IRAG1: variants seen among roughly 807,000 people sequenced by gnomAD.
The protein encoded by IRAG1 is inositol 1,4,5-triphosphate receptor associated 1.
IRAG1 carries 62 observed loss-of-function variants against 106.2 expected under a neutral mutation model. The observed-to-expected ratio is 0.58, with a 90% CI of 0.48 to 0.72. The LOEUF (loss-of-function observed/expected upper bound fraction) is 0.72, where lower values mean the gene tolerates loss of function less well. IRAG1 is among the 30% of genes least tolerant of loss of function. The pLI, the probability that IRAG1 is intolerant of heterozygous loss-of-function variation, is 0.00. For missense variants in IRAG1, 1,064 were observed against 1,140.7 expected (o/e 0.93, Z 0.97); for synonymous variants, 462 against 443.9 (o/e 1.04, Z -0.51).
intron 15 of IRAG1, among the ~76,000 whole-genome samples, chr11:10,598,926 A>T (rs768734442): frequency 1.3e-5 from 2 of 152,220 alleles, no homozygotes; most frequent in Non-Finnish European, 2.9e-5. Context: ...AAGATTGCAG[A>T]GGTTGTATAA....
rs1353111919 is a variant in IRAG1 at position 10,686,305 on chromosome 11, G to A, written c.67+7231C>T. Among the ~76,000 whole-genome samples, 5 of 152,256 alleles carry A rather than the reference G, an allele frequency of 3.3e-5. No individual in the cohort carries two copies. In the East Asian group the frequency reaches 7.7e-4, roughly 23 times the overall value. On this transcript the variant is annotated intron_variant, in intron 1 of 20. Transcript: ENST00000423302. ...GGATTTGAACAGACTGGGTGACCTC[G>A]GCAACATTTACAGACTTTTAGGGCA...
Position 10,643,199 on chromosome 11 carries a change from A to AG in IRAG1, c.225+8825dup, listed in dbSNP as rs58553958. The stretch of plus-strand genomic sequence containing the variant: ...CTCAAAAAAAAAAAAAAAAAAAAAA[A>AG]GGACTCTCTGGGGACTTGAAAGAAA... On this transcript the variant is annotated intron_variant, in intron 2 of 20. Transcript: ENST00000423302. Among the ~76,000 whole-genome samples, 4 of 149,848 alleles carry AG rather than the reference A, an allele frequency of 2.7e-5. No homozygotes were observed. The East Asian group carries it at 7.8e-4, about 29-fold the overall frequency.
At chr11:10,693,128 G>T (rs1445526119) in intron 1 of IRAG1, among the ~76,000 whole-genome samples, 2 of 152,178 alleles carry the variant, frequency 1.3e-5, no homozygotes, top group African/African-American at 2.4e-5. Flanking sequence ...GGGGCGTAGG[G>T]GGACAGAGAG....
chr11:10,632,007 G>A lies in IRAG1; in HGVS notation c.384C>T (p.Ala128=), dbSNP rs1197057127. ...LSHRHLKVST[A]SLTSVDPAGH... ...GGTCCTTACCCACAGATGTCAGGGA[G>A]GCAGTGGACACCTTCAAGTGTCGGT... The change falls in exon 4 of 21, where the codon GCC becomes GCT. Residue 128 remains alanine, a synonymous_variant. Transcript: ENST00000423302. 3.1e-6 allele frequency: 5 copies of A among 1,613,678 alleles called. No homozygotes were observed. Among genetic ancestry groups the A allele is most frequent in the African/African-American group, 1.3e-5 (1 of 74,902 alleles).
chr11:10,639,379 T>C (rs1415003957), intron 2 of IRAG1, among the ~76,000 whole-genome samples: 1 of 152,236 alleles, frequency 6.6e-6, no homozygotes, highest in African/African-American at 2.4e-5. Flanking sequence ...GAGAACCTCA[T>C]GCTCCTAACA....
At chr11:10,577,891 T>C (rs1415306580) in intron 20 of IRAG1, among the ~76,000 whole-genome samples, 1 of 152,244 alleles carries the variant, frequency 6.6e-6, no homozygotes, top group Admixed American at 6.5e-5. Context: ...TTGAAAATCA[T>C]TGACTATTTT....
At chr11:10,629,936 T>G (rs1856559328) in intron 4 of IRAG1, 2 of 496,918 alleles carry the variant, frequency 4.0e-6, no homozygotes, top group Non-Finnish European at 7.1e-6. Context: ...CAAATGGTCC[T>G]GGAGCCATCT....
At chr11:10,621,529 A>G (rs1465080058) in intron 10 of IRAG1, among the ~76,000 whole-genome samples, 2 of 152,284 alleles carry the variant, frequency 1.3e-5, no homozygotes, top group African/African-American at 2.4e-5. Context: ...CCCCATTTGC[A>G]TCTCCCCAAC....
chr11:10,621,807 G>A (rs1400719254), intron 10 of IRAG1, among the ~76,000 whole-genome samples: 1 of 152,146 alleles, frequency 6.6e-6, no homozygotes, highest in African/African-American at 2.4e-5. Context: ...TAGGTGACAC[G>A]GATGAACCTT....
intron 15 of IRAG1, among the ~76,000 whole-genome samples, chr11:10,594,802 C>CT: frequency 6.6e-6 from 1 of 152,296 alleles, no homozygotes; most frequent in South Asian, 2.1e-4. Context: ...AAGGTATTTG[C>CT]TAGTTCAATT....
chr11:10,580,188 G>A (rs1164664827), intron 20 of IRAG1, among the ~76,000 whole-genome samples: 1 of 152,186 alleles, frequency 6.6e-6, no homozygotes, highest in Non-Finnish European at 1.5e-5. Context: ...AGCTCCTGGA[G>A]CTCTTGATTG....
At chr11:10,625,926 T>C in intron 9 of IRAG1, 40 bp downstream of exon 9, 1 of 1,416,274 alleles carries the variant, frequency 7.1e-7, no homozygotes, top group East Asian at 2.5e-5. Flanking sequence ...AGGGAGTACC[T>C]GGAGTACACA....
At position 10,647,714 on chromosome 11, in the gene IRAG1, C is replaced by T. The variant is rs1858078752; in HGVS notation, c.225+4311G>A. Among the ~76,000 whole-genome samples the T allele has an allele frequency of 6.6e-6, 1 of 152,114 alleles. No homozygotes were observed. The highest frequency in any genetic ancestry group is 1.5e-5 in the Non-Finnish European group (1 of 68,016). On this transcript the variant is annotated intron_variant, in intron 2 of 20. Transcript: ENST00000423302. The surrounding 1 kb of genome is among the most constrained non-coding windows in gnomAD (Gnocchi z 4.3). The stretch of plus-strand genomic sequence containing the variant: ...TCAGCTTCCTACTGTGGCTGCTGGT[C>T]ACAGTCCAGGAACTCATCTAGGCCT...
intron 1 of IRAG1, among the ~76,000 whole-genome samples, chr11:10,654,294 G>T (rs1373878383): frequency 2.0e-5 from 3 of 152,200 alleles, no homozygotes; most frequent in Admixed American, 2.0e-4. Flanking sequence ...GCTAGGCAAG[G>T]TGTCAGATTC....
intron 2 of IRAG1, among the ~76,000 whole-genome samples, chr11:10,646,168 C>G (rs1358077642): frequency 2.0e-5 from 3 of 152,200 alleles, no homozygotes; most frequent in Non-Finnish European, 2.9e-5. Flanking sequence ...AAAGGACAGA[C>G]AGGTTGGCTC....
In IRAG1 at chr11:10,591,559, T is replaced by C; in HGVS notation, c.2229A>G (p.Ala743=). Residue 743 remains alanine (A), a synonymous_variant, in exon 18 of 21, where the codon GCA becomes GCG. Coordinates refer to ENST00000423302, the MANE Select transcript of IRAG1 (RefSeq NM_130385.4). ...GSLPVTSALP[A]LLENGKTNGD... is the part of the protein sequence containing the mutation. ...ATCGACAAACTTACTTTTCCAAAAGTGCAGGCAGTGCTGAAGTGACAGGTA... is the reference window on the plus strand; with the variant it reads ...ATCGACAAACTTACTTTTCCAAAAGCGCAGGCAGTGCTGAAGTGACAGGTA... 1 of 1,595,514 alleles carries C rather than the reference T, an allele frequency of 6.3e-7. No individual in the cohort carries two copies. The highest frequency in any genetic ancestry group is 8.5e-7 in the Non-Finnish European group (1 of 1,170,938).
intron 1 of IRAG1, among the ~76,000 whole-genome samples, chr11:10,664,443 C>T (rs1353336995): frequency 1.3e-5 from 2 of 152,136 alleles, no homozygotes; most frequent in East Asian, 1.9e-4. Context: ...AGGGACAGGG[C>T]CTTGTGGGGA....
At chr11:10,660,629 T>C (rs1034509583) in intron 1 of IRAG1, among the ~76,000 whole-genome samples, 2 of 152,228 alleles carry the variant, frequency 1.3e-5, no homozygotes, top group African/African-American at 2.4e-5. Flanking sequence ...ATGACTTTAG[T>C]ATCACCCCAA....
intron 3 of IRAG1, among the ~76,000 whole-genome samples, chr11:10,633,741 C>T (rs527752014): frequency 1.2e-4 from 18 of 152,178 alleles, no homozygotes; most frequent in African/African-American, 3.1e-4. Flanking sequence ...GGGCTGGAGC[C>T]GTCGCAGAGC....
Sources: gnomAD v4.1 joint callset for allele counts (sites outside exome capture counted in the v4.1 genomes callset) on GRCh38, gnomAD v4.1.1 for gene constraint, Gnocchi (gnomAD v3.1) non-coding constraint, MANE v1.5 for transcripts, NCBI Gene and HGNC (gene_info 2026-07-23, HGNC 2026-07-21) for gene names.